Variants in GSG1L observed in about 807,000 individuals in gnomAD.
GSG1L encodes GSG1 like.
GSG1L carries 24 observed loss-of-function variants against 42.1 expected under a neutral mutation model. That is an observed-to-expected ratio of 0.57 (90% CI 0.41 to 0.80). The LOEUF (loss-of-function observed/expected upper bound fraction) is 0.80, where lower values mean the gene tolerates loss of function less well. Ranked by LOEUF, GSG1L falls within the 30% of genes least tolerant of loss-of-function variation. The pLI is 0.00. For missense variants in GSG1L, 445 were observed against 472.2 expected, an observed-to-expected ratio of 0.94 and a Z score of 0.53; for synonymous variants, 215 against 203.5, an observed-to-expected ratio of 1.06 and a Z score of -0.48.
chr16:27,999,080 G>A (rs903987000), intron 1 of GSG1L, among the ~76,000 whole-genome samples: 6 of 152,164 alleles, frequency 3.9e-5, no homozygotes, highest in Non-Finnish European at 7.3e-5. Flanking sequence ...AGTGAAAACG[G>A]ACATATTCAA....
rs2083289188 is a variant in GSG1L, at chr16:27,833,086, C to T, written c.663-4130G>A. On this transcript the variant is annotated intron_variant, in intron 4 of 6. Coordinates refer to ENST00000447459, the MANE Select transcript of GSG1L (RefSeq NM_001109763.2). ...CTTTTCTAAAAGTTTTACAGTTTTA[C>T]ATTTTATACTTAAATCTGTGATCCA... Among the ~76,000 whole-genome samples, 2 of 152,178 alleles carry T rather than the reference C, an allele frequency of 1.3e-5. 1 individual carries two copies. Among genetic ancestry groups the T allele is most frequent in the African/African-American group, 4.8e-5 (2 of 41,452 alleles).
intron 3 of GSG1L, among the ~76,000 whole-genome samples, chr16:27,859,536 A>C (rs2083618095): frequency 6.6e-6 from 1 of 152,214 alleles, no homozygotes; most frequent in Non-Finnish European, 1.5e-5. Flanking sequence ...AGGGCATCTC[A>C]TGCGTCTCAC....
intron 1 of GSG1L, 43 bp from the exon 2 acceptor site, chr16:27,963,246 G>A (rs760469938): frequency 6.0e-5 from 95 of 1,576,432 alleles, no homozygotes; most frequent in Non-Finnish European, 8.0e-5. Context: ...GAGAGGACAC[G>A]TGGGCTTCCG....
intron 4 of GSG1L, among the ~76,000 whole-genome samples, chr16:27,840,030 AT>A (rs2083362367): frequency 7.9e-6 from 1 of 126,616 alleles, no homozygotes; most frequent in African/African-American, 3.2e-5. Context: ...AGTAACCTTA[AT>A]CTTTTTTTTT....
Position 28,063,196 on chromosome 16 carries a change from AGGCGGTGGCGGCGGCGGCGGCGGC to A in GSG1L, c.205_228del (p.Ala69_Ala76del). On this transcript the variant is annotated inframe_deletion, in exon 1 of 7. Transcript: ENST00000447459. This position sits in a 1 kb window ranked among gnomAD's most constrained non-coding sequence, Gnocchi z 5.8. ...GCGCCGCCAGGGGGGCCGTTCCCCGAGGCGGTGGCGGCGGCGGCGGCGGCGGCGGGGGCGGCGGTGCCGTTGGCC... is the reference window on the plus strand; with the variant it reads ...GCGCCGCCAGGGGGGCCGTTCCCCGAGGCGGGGGCGGCGGTGCCGTTGGCC... The A allele has an allele frequency of 7.7e-7, 1 of 1,295,174 alleles. No homozygotes were observed. The allele number at this position is 1,295,174 out of a possible 1,614,324, so 80.2% of individuals were successfully genotyped here.
chr16:28,016,236 A>G (rs2085778853), intron 1 of GSG1L, among the ~76,000 whole-genome samples: 1 of 152,178 alleles, frequency 6.6e-6, no homozygotes, highest in East Asian at 1.9e-4. Context: ...TGATCTGCCC[A>G]CCTCAGCCTC....
chr16:28,019,526 A>G (rs1469419487), intron 1 of GSG1L, among the ~76,000 whole-genome samples: 1 of 152,194 alleles, frequency 6.6e-6, no homozygotes, highest in Admixed American at 6.5e-5. Context: ...TTTGACACCT[A>G]TGGAGTCACC....
At chr16:28,018,486 G>GA (rs1179058500) in intron 1 of GSG1L, among the ~76,000 whole-genome samples, 2 of 152,074 alleles carry the variant, frequency 1.3e-5, no homozygotes, top group Non-Finnish European at 2.9e-5. Flanking sequence ...CCATCAGGAG[G>GA]AAAAATACAT....
At chr16:27,844,927 T>C in intron 4 of GSG1L, 23 bp downstream of exon 4, 2 of 1,377,126 alleles carry the variant, frequency 1.5e-6, no homozygotes, top group Non-Finnish European at 9.9e-7. Flanking sequence ...CTGAAGCTGC[T>C]CTTGTCCTGA....
intron 2 of GSG1L, among the ~76,000 whole-genome samples, chr16:27,895,279 G>A (rs960405455): frequency 6.6e-6 from 1 of 152,148 alleles, no homozygotes; most frequent in Admixed American, 6.5e-5. Context: ...GCATCATCAC[G>A]TGATGATGGC....
intron 1 of GSG1L, among the ~76,000 whole-genome samples, chr16:27,998,740 C>T (rs1000928791): frequency 2.6e-5 from 4 of 151,936 alleles, no homozygotes; most frequent in Middle Eastern, 3.2e-3. Context: ...GCTGTGATCG[C>T]GCCACTGCCC....
intron 1 of GSG1L, among the ~76,000 whole-genome samples, chr16:27,990,002 A>G (rs977919187): frequency 3.9e-5 from 6 of 152,168 alleles, no homozygotes; most frequent in African/African-American, 1.4e-4. Context: ...ATCTTGAATA[A>G]CAGGTTTCTG....
chr16:27,892,271 A>G (rs2084138198), intron 2 of GSG1L, among the ~76,000 whole-genome samples: 1 of 151,966 alleles, frequency 6.6e-6, no homozygotes, highest in Admixed American at 6.6e-5. Flanking sequence ...CCTGGGCAAT[A>G]TAGGGAGACC....
intron 4 of GSG1L, 78 bp downstream of exon 4, chr16:27,844,872 C>CCGGGGGGGGGG: frequency 2.0e-6 from 1 of 511,876 alleles, no homozygotes. Flanking sequence ...CCCCACCCCA[C>CCGGGGGGGGGG]TGGGCTGAGC....
At chr16:27,855,855 C>T (rs2083571218) in intron 3 of GSG1L, among the ~76,000 whole-genome samples, 1 of 151,668 alleles carries the variant, frequency 6.6e-6, no homozygotes, top group Admixed American at 6.6e-5. Flanking sequence ...TCGGGAGGTA[C>T]AGGGGCCCCT....
At chr16:27,984,125 C>T (rs1057261345) in intron 1 of GSG1L, among the ~76,000 whole-genome samples, 7 of 152,022 alleles carry the variant, frequency 4.6e-5, no homozygotes, top group Admixed American at 2.6e-4. Flanking sequence ...TTTTGGAGGT[C>T]GGTGCGGGAA....
intron 1 of GSG1L, among the ~76,000 whole-genome samples, chr16:28,000,766 A>G (rs2085571324): frequency 6.6e-6 from 1 of 151,974 alleles, no homozygotes; most frequent in Non-Finnish European, 1.5e-5. Context: ...TCCTTCCTGG[A>G]TACATCTCTC....
chr16:28,021,644 A>G (rs1234672155), intron 1 of GSG1L, among the ~76,000 whole-genome samples: 1 of 152,202 alleles, frequency 6.6e-6, no homozygotes, highest in Non-Finnish European at 1.5e-5. Context: ...TTCAGATAGT[A>G]GATAAGACCC....
At chr16:27,819,073 C>A (rs538563379) in intron 5 of GSG1L, among the ~76,000 whole-genome samples, 79 of 152,168 alleles carry the variant, frequency 5.2e-4, no homozygotes, top group Admixed American at 5.2e-4. Flanking sequence ...CAAGGTGAAA[C>A]CCCGTCTCTA....
Sources: allele counts gnomAD v4.1 joint callset (sites outside exome capture counted in the v4.1 genomes callset), GRCh38; gene constraint gnomAD v4.1.1; non-coding constraint Gnocchi (gnomAD v3.1); transcripts MANE v1.5; gene names NCBI Gene and HGNC (gene_info 2026-07-23, HGNC 2026-07-21).